Variants in PIP5KL1 observed in about 807,000 individuals in gnomAD.
PIP5KL1 encodes phosphatidylinositol 4-phosphate 5-kinase-like protein 1.
Under a neutral mutation model 47.6 loss-of-function variants are expected in PIP5KL1, and 45 were observed. The ratio of observed to expected loss-of-function variants is 0.94; its 90% CI spans 0.74 to 1.21. The LOEUF (loss-of-function observed/expected upper bound fraction) is 1.21. PIP5KL1 is among the 50% of genes most tolerant of loss of function. The pLI is 0.00. For missense variants in PIP5KL1, 577 were observed against 547.6 expected (o/e 1.05, Z -0.54); for synonymous variants, 256 against 234.6 (o/e 1.09, Z -0.84).
rs1217569273 is a variant in PIP5KL1 at position 127,927,814 on chromosome 9, G to A, written c.435-42C>T. 2 of 1,537,140 alleles carry A rather than the reference G, an allele frequency of 1.3e-6. No homozygotes were observed. The highest frequency in any genetic ancestry group is 4.9e-5 in the East Asian group (2 of 40,944). On this transcript the variant is annotated intron_variant, in intron 4 of 9. Transcript: ENST00000388747. The surrounding 1 kb of genome is among the most constrained non-coding windows in gnomAD (Gnocchi z 5.5). ...AGAGGTCACTGCCCAGGCCTGGCTG[G>A]AGCGGCTCCCACCCGGCCCCCTTCC...
At position 127,927,233 on chromosome 9, in the gene PIP5KL1, G is replaced by A. The variant is rs778323835; in HGVS notation, c.595-25C>T. On this transcript the variant is annotated intron_variant, in intron 6 of 9. Transcript: ENST00000388747. The surrounding 1 kb of genome is among the most constrained non-coding windows in gnomAD (Gnocchi z 5.5). Reference sequence around the variant, plus strand: ...TCTGGGGGCCGGGACAGGGAGTGAGGGAGGCCGGCTGTCGCCCTCCAGCCG... The same window carrying A: ...TCTGGGGGCCGGGACAGGGAGTGAGAGAGGCCGGCTGTCGCCCTCCAGCCG... 14 of 1,612,610 alleles carry A rather than the reference G, an allele frequency of 8.7e-6. No individual in the cohort carries two copies. Among genetic ancestry groups the A allele is most frequent in the Non-Finnish European group, 1.1e-5 (13 of 1,179,702 alleles).
intron 2 of PIP5KL1, chr9:127,928,786 GAAGCC>G (rs1479849625): frequency 6.3e-6 from 3 of 479,570 alleles, no homozygotes; most frequent in African/African-American, 2.0e-5. Flanking sequence ...CTGGCCAAGT[GAAGCC>G]AGATTCTGTC....
chr9:127,922,054 G>T lies in PIP5KL1; in HGVS notation c.978C>A (p.Pro326=). 6.4e-7 allele frequency: 1 copy of T among 1,566,192 alleles called. No homozygotes were observed. The highest frequency in any genetic ancestry group is 2.4e-5 in the East Asian group (1 of 42,086). ...GGATGTGTAGGGCGTTGGGGGCGTC[G>T]GGCAGCAGCCGGCGGTTTTGGGCTC... is the stretch of plus-strand genomic sequence containing the variant. The part of the protein sequence containing the change: ...ESRAQNRRLL[P]DAPNALHILD... The change falls in exon 10 of 10, where the codon CCC becomes CCA. Residue 326 remains proline (P), a synonymous_variant. Transcript: ENST00000388747.
At chr9:127,922,983 G>C (rs952270329) in intron 9 of PIP5KL1, among the ~76,000 whole-genome samples, 20 of 152,286 alleles carry the variant, frequency 1.3e-4, no homozygotes, top group African/African-American at 4.6e-4. Flanking sequence ...GGTGCCACAT[G>C]ACTTCAGGTA....
At position 127,927,439 on chromosome 9, in the gene PIP5KL1, A is replaced by G; in HGVS notation, c.560-108T>C. The stretch of plus-strand genomic sequence containing the variant: ...ACGCCTCCTTCTCAAGATCCGCGGC[A>G]CCTGGACCCTTCCTTGGCTGGTCCG... On this transcript the variant is annotated intron_variant, in intron 5 of 9. Coordinates refer to ENST00000388747, the MANE Select transcript of PIP5KL1 (RefSeq NM_001135219.2). This position sits in a 1 kb window ranked among gnomAD's most constrained non-coding sequence, Gnocchi z 5.5. 6.6e-7 allele frequency: 1 copy of G among 1,504,460 alleles called. No homozygotes were observed. Among genetic ancestry groups the G allele is most frequent in the East Asian group, 2.5e-5 (1 of 40,426 alleles). 93.2% of individuals were successfully genotyped at this position (1,504,460 alleles called of 1,614,324 possible).
At chr9:127,922,384 A>G (rs55782000) in intron 9 of PIP5KL1, among the ~76,000 whole-genome samples, 2,063 of 152,354 alleles carry the variant, frequency 0.014, 23 homozygotes, top group Middle Eastern at 0.024. Flanking sequence ...TACATACTCA[A>G]TTTCAAAGAC....
In PIP5KL1 at chr9:127,927,587, C is replaced by T. The variant is rs981760203; in HGVS notation, c.559+61G>A. On this transcript the variant is annotated intron_variant, in intron 5 of 9. Coordinates refer to ENST00000388747, the MANE Select transcript of PIP5KL1 (RefSeq NM_001135219.2). The surrounding 1 kb of genome is among the most constrained non-coding windows in gnomAD (Gnocchi z 5.5). Reference sequence around the variant, plus strand: ...TTGGGCCCCGCCCACATACCCCGCCCTCCCCAGGTATATGATGACCTAGGA... The same window carrying T: ...TTGGGCCCCGCCCACATACCCCGCCTTCCCCAGGTATATGATGACCTAGGA... 3.4e-6 allele frequency: 5 copies of T among 1,480,172 alleles called. No homozygotes were observed. In the Admixed American group the frequency reaches 1.2e-4, roughly 36 times the overall value. The allele number at this position is 1,480,172 out of a possible 1,614,324, so 91.7% of individuals were successfully genotyped here.
At position 127,921,767 on chromosome 9, in the gene PIP5KL1, C is replaced by CGA. The variant is rs1433122157; in HGVS notation, c.*78_*79dup. 6.8e-7 allele frequency: 1 copy of CGA among 1,469,784 alleles called. No individual in the cohort carries two copies. The highest frequency in any genetic ancestry group is 9.0e-7 in the Non-Finnish European group (1 of 1,109,572). 91.0% of individuals were successfully genotyped at this position (1,469,784 alleles called of 1,614,324 possible). ...GGCGACCATCAGGAGGAAGCGCAGG[C>CGA]GAGATGCCCGGGCCCGGGGGAACCG... On this transcript the variant is annotated 3_prime_UTR_variant, in exon 10 of 10. Transcript: ENST00000388747.
rs183811511 is a variant in PIP5KL1, at chr9:127,924,256, G to A, written c.917+851C>T. Among the ~76,000 whole-genome samples the A allele has an allele frequency of 1.2e-4, 19 of 152,116 alleles. No individual in the cohort carries two copies. In the East Asian group the frequency reaches 2.3e-3, roughly 19 times the overall value. ...GGGCCTCCCAGCACTTTGGGAGGCC[G>A]AGGCGGGTGGATCACTTGAGGTCAG... is the stretch of plus-strand genomic sequence containing the variant. On this transcript the variant is annotated intron_variant, in intron 9 of 9. Coordinates refer to ENST00000388747, the MANE Select transcript of PIP5KL1 (RefSeq NM_001135219.2).
At chr9:127,925,351 A>C (rs1402536794) in intron 8 of PIP5KL1, 91 bp from the exon 9 acceptor site, 1 of 1,418,656 alleles carries the variant, frequency 7.0e-7, no homozygotes, top group Non-Finnish European at 9.5e-7. Context: ...ATGTGGCATT[A>C]CTGTCCCCAT....
chr9:127,925,379 T>C (rs1831347589), intron 8 of PIP5KL1, 119 bp from the exon 9 acceptor site: 3 of 1,241,668 alleles, frequency 2.4e-6, no homozygotes. Context: ...ATAAAGAAAC[T>C]CATCTGTAAT....
chr9:127,928,054 C>T lies in PIP5KL1; in HGVS notation c.434+11G>A. 6.5e-7 allele frequency: 1 copy of T among 1,544,018 alleles called. No individual in the cohort carries two copies. ...ACTCCCACCCCTGCCCCACCCCTGC[C>T]GCAAGCTCACGACAGGAAGAAGCTG... is the stretch of plus-strand genomic sequence containing the variant. On this transcript the variant is annotated intron_variant, in intron 4 of 9. Transcript: ENST00000388747.
At chr9:127,923,665 G>C (rs542335761) in intron 9 of PIP5KL1, among the ~76,000 whole-genome samples, 23 of 152,348 alleles carry the variant, frequency 1.5e-4, no homozygotes, top group African/African-American at 5.3e-4. Context: ...CCCATACCAA[G>C]TTCTTCCTCT....
chr9:127,926,094 C>A, intron 7 of PIP5KL1, 115 bp from the exon 8 acceptor site: 1 of 637,812 alleles, frequency 1.6e-6, no homozygotes, highest in Non-Finnish European at 2.7e-6. Flanking sequence ...CATCCCCAGT[C>A]CTCAGCACAA....
rs773290537 is a variant in PIP5KL1 at position 127,930,696 on chromosome 9, C to T, written c.30+27G>A. On this transcript the variant is annotated intron_variant, in intron 1 of 9. Transcript: ENST00000388747. Reference sequence around the variant, plus strand: ...CCCCTGCCCACCAACCCTTCCCTCTCCTGTCCTCTCTCGGGTCCGCACCTA... The same window carrying T: ...CCCCTGCCCACCAACCCTTCCCTCTTCTGTCCTCTCTCGGGTCCGCACCTA... 3.2e-6 allele frequency: 5 copies of T among 1,560,932 alleles called. No individual in the cohort carries two copies. In the East Asian group the frequency reaches 1.0e-4, roughly 32 times the overall value.
At position 127,927,862 on chromosome 9, in the gene PIP5KL1, G is replaced by A; in HGVS notation, c.435-90C>T. On this transcript the variant is annotated intron_variant, in intron 4 of 9. Coordinates refer to ENST00000388747, the MANE Select transcript of PIP5KL1 (RefSeq NM_001135219.2). This position sits in a 1 kb window ranked among gnomAD's most constrained non-coding sequence, Gnocchi z 5.5. ...TCCCCGACCTGTGCACGTGGATCTC[G>A]CTCCCAGGTCTCGGCACCGCCTCTC... is the stretch of plus-strand genomic sequence containing the variant. The A allele has an allele frequency of 2.0e-6, 3 of 1,502,216 alleles. No individual in the cohort carries two copies. Among genetic ancestry groups the A allele is most frequent in the Non-Finnish European group, 1.8e-6 (2 of 1,131,806 alleles). 93.1% of individuals were successfully genotyped at this position (1,502,216 alleles called of 1,614,324 possible).
At chr9:127,926,044 T>C (rs1831357101) in intron 7 of PIP5KL1, 65 bp from the exon 8 acceptor site, 1 of 1,134,042 alleles carries the variant, frequency 8.8e-7, no homozygotes, top group Non-Finnish European at 1.3e-6. Context: ...TCACAAGAGC[T>C]TCCAGTGACT....
intron 9 of PIP5KL1, 42 bp downstream of exon 9, chr9:127,925,065 C>T (rs763309644): frequency 5.0e-6 from 8 of 1,608,408 alleles, no homozygotes; most frequent in African/African-American, 1.3e-5. Flanking sequence ...TTCCCTTACT[C>T]TCACCACCTC....
intron 9 of PIP5KL1, among the ~76,000 whole-genome samples, chr9:127,923,211 T>C (rs1448021094): frequency 6.6e-6 from 1 of 152,196 alleles, no homozygotes; most frequent in Non-Finnish European, 1.5e-5. Context: ...TCAGGCGTCA[T>C]TGAAGGGCTT....
Sources: allele counts gnomAD v4.1 joint callset (sites outside exome capture counted in the v4.1 genomes callset), GRCh38; gene constraint gnomAD v4.1.1; non-coding constraint Gnocchi (gnomAD v3.1); transcripts MANE v1.5; gene names NCBI Gene and HGNC (gene_info 2026-07-23, HGNC 2026-07-21).